GRIK1: variants seen among roughly 807,000 people sequenced by gnomAD.
GRIK1 encodes glutamate receptor ionotropic, kainate 1.
A neutral mutation model predicts 105.7 loss-of-function variants in GRIK1; 69 were observed. The ratio of observed to expected loss-of-function variants is 0.65; its 90% CI spans 0.54 to 0.80. GRIK1 has a LOEUF of 0.80. Ranked by LOEUF, GRIK1 falls within the 30% of genes least tolerant of loss-of-function variation. The pLI is 0.00. For synonymous variants in GRIK1, 438 were observed against 431.3 expected (o/e 1.02, Z -0.19); for missense variants, 1,109 against 1,167.3 (o/e 0.95, Z 0.73).
chr21:29,553,599 C>A, intron 16 of GRIK1: 1 of 1,606,750 alleles, frequency 6.2e-7, no homozygotes, highest in Admixed American at 1.7e-5. Context: ...CCTCTCTCCT[C>A]TCGAATTAAT....
intron 8 of GRIK1, among the ~76,000 whole-genome samples, chr21:29,598,001 T>G (rs959636433): frequency 6.6e-6 from 1 of 152,152 alleles, no homozygotes; most frequent in South Asian, 2.1e-4. Flanking sequence ...TTATTCACTA[T>G]AGTGGGAAAA....
intron 3 of GRIK1, among the ~76,000 whole-genome samples, chr21:29,677,544 A>G (rs1009557859): frequency 6.6e-6 from 1 of 152,102 alleles, no homozygotes. Flanking sequence ...TTGCATGCAC[A>G]TTGGGTAACT....
chr21:29,793,686 A>G (rs549893824), intron 1 of GRIK1, among the ~76,000 whole-genome samples: 1 of 152,340 alleles, frequency 6.6e-6, no homozygotes, highest in East Asian at 1.9e-4. Flanking sequence ...TTAACTAGAA[A>G]GGGCTACTAG....
chr21:29,539,391 C>A (rs544564850), intron 16 of GRIK1, among the ~76,000 whole-genome samples: 212 of 152,270 alleles, frequency 1.4e-3, no homozygotes, highest in African/African-American at 4.9e-3. Context: ...TTTTATAATA[C>A]AGTGTTGACT....
intron 1 of GRIK1, among the ~76,000 whole-genome samples, chr21:29,874,779 A>G (rs2069134388): frequency 6.6e-6 from 1 of 152,198 alleles, no homozygotes; most frequent in Non-Finnish European, 1.5e-5. Context: ...AATGTGAGAG[A>G]CAGAATAAAG....
chr21:29,890,290 A>G (rs1401117035), intron 1 of GRIK1, among the ~76,000 whole-genome samples: 3 of 152,170 alleles, frequency 2.0e-5, no homozygotes, highest in Non-Finnish European at 2.9e-5. Flanking sequence ...AAACTACCTA[A>G]TACAGAAAAT....
At chr21:29,623,725 GAAAT>G (rs1450845740) in intron 7 of GRIK1, among the ~76,000 whole-genome samples, 1 of 152,124 alleles carries the variant, frequency 6.6e-6, no homozygotes, top group Non-Finnish European at 1.5e-5. Context: ...AGTTCATACT[GAAAT>G]AAATAAAATA....
Position 29,782,321 on chromosome 21 carries a change from T to C in GRIK1, c.119-88258A>G, listed in dbSNP as rs189143220. On this transcript the variant is annotated intron_variant, in intron 1 of 17. Transcript: ENST00000327783. ...CAGGATGGTCTCGATCTCCTGACCT[T>C]GTGATCTGCCCTCCTTGGCCTCCCA... 8.2e-4 allele frequency among the ~76,000 whole-genome samples: 124 copies of C among 152,046 alleles called. 1 individual carries two copies. Among genetic ancestry groups the C allele is most frequent in the Admixed American group, 3.9e-3 (60 of 15,276 alleles).
chr21:29,908,107 T>C (rs2070705703), intron 1 of GRIK1, among the ~76,000 whole-genome samples: 1 of 152,084 alleles, frequency 6.6e-6, no homozygotes, highest in African/African-American at 2.4e-5. Context: ...GTTCTAAGGG[T>C]TTAAAAATAC....
chr21:29,588,014 G>A (rs901395071), intron 11 of GRIK1, among the ~76,000 whole-genome samples: 29 of 113,522 alleles, frequency 2.6e-4, no homozygotes, highest in Admixed American at 2.0e-3. Context: ...TCACTCTGTC[G>A]CCCAGGCTAG....
chr21:29,695,488 A>T (rs1444905632), intron 1 of GRIK1, among the ~76,000 whole-genome samples: 3 of 150,964 alleles, frequency 2.0e-5, no homozygotes, highest in South Asian at 2.1e-4. Context: ...ATATATATAT[A>T]TTTTGAGATG....
intron 1 of GRIK1, among the ~76,000 whole-genome samples, chr21:29,750,027 TTAG>T (rs2065144701): frequency 6.6e-6 from 1 of 152,116 alleles, no homozygotes; most frequent in Non-Finnish European, 1.5e-5. Flanking sequence ...TAGAAGAGTA[TTAG>T]TAGTATTAGT....
At chr21:29,574,081 G>A (rs2090825794) in intron 14 of GRIK1, among the ~76,000 whole-genome samples, 1 of 135,230 alleles carries the variant, frequency 7.4e-6, no homozygotes, top group Non-Finnish European at 1.6e-5. Flanking sequence ...TAGGCTATAT[G>A]CATAAGGTAT....
chr21:29,695,444 C>A (rs1161252862), intron 1 of GRIK1, among the ~76,000 whole-genome samples: 1 of 132,302 alleles, frequency 7.6e-6, no homozygotes, highest in Non-Finnish European at 1.6e-5. Flanking sequence ...CAATATCTAT[C>A]TATCTATCTA....
chr21:29,619,653 T>C (rs1368040129), intron 7 of GRIK1, among the ~76,000 whole-genome samples: 1 of 151,966 alleles, frequency 6.6e-6, no homozygotes, highest in Non-Finnish European at 1.5e-5. Context: ...AAAAGTAAAA[T>C]AAAATTAGGA....
At chr21:29,744,829 G>A (rs2065011694) in intron 1 of GRIK1, among the ~76,000 whole-genome samples, 1 of 152,172 alleles carries the variant, frequency 6.6e-6, no homozygotes, top group African/African-American at 2.4e-5. Flanking sequence ...GGGCTTAAAT[G>A]TACTATTTGA....
intron 1 of GRIK1, among the ~76,000 whole-genome samples, chr21:29,719,288 A>G (rs2064261192): frequency 6.6e-6 from 1 of 151,704 alleles, no homozygotes. Flanking sequence ...GTGATAGTAT[A>G]CTTTACAAAT....
chr21:29,806,419 C>T (rs182814611), intron 1 of GRIK1, among the ~76,000 whole-genome samples: 21 of 151,900 alleles, frequency 1.4e-4, no homozygotes, highest in Middle Eastern at 6.8e-3. Context: ...CATTCCTCTG[C>T]GATTACGGAA....
At chr21:29,631,292 A>G (rs1036336986) in intron 7 of GRIK1, among the ~76,000 whole-genome samples, 7 of 152,228 alleles carry the variant, frequency 4.6e-5, no homozygotes, top group African/African-American at 1.4e-4. Context: ...TGGTACTAGC[A>G]GGTGAGGTCT....
Sources: allele counts gnomAD v4.1 joint callset (sites outside exome capture counted in the v4.1 genomes callset), GRCh38; gene constraint gnomAD v4.1.1; transcripts MANE v1.5; gene names NCBI Gene and HGNC (gene_info 2026-07-23, HGNC 2026-07-21).